Variants in CDH13 observed in about 807,000 individuals in gnomAD.
The protein encoded by CDH13 is cadherin-13.
Under a neutral mutation model 63.8 loss-of-function variants are expected in CDH13, and 24 were observed. The ratio of observed to expected loss-of-function variants is 0.38; its 90% CI spans 0.27 to 0.53. The LOEUF is 0.53. Ranked by LOEUF, CDH13 falls within the 20% of genes least tolerant of loss-of-function variation. The probability of loss-of-function intolerance (pLI) is 0.85; values close to 1 mark genes in which losing one functional copy is unlikely to be tolerated. For missense variants in CDH13, 1,049 were observed against 903.1 expected, an observed-to-expected ratio of 1.16 and a Z score of -2.07; for synonymous variants, 503 against 355.3, an observed-to-expected ratio of 1.42 and a Z score of -4.67.
chr16:82,908,365 G>A (rs926647167), intron 2 of CDH13, among the ~76,000 whole-genome samples: 15 of 152,234 alleles, frequency 9.9e-5, no homozygotes, highest in African/African-American at 3.6e-4. Context: ...ATATTGACAA[G>A]GTTGATGAAC....
intron 2 of CDH13, among the ~76,000 whole-genome samples, chr16:82,995,102 T>G (rs1352759156): frequency 6.6e-6 from 1 of 152,204 alleles, no homozygotes; most frequent in Non-Finnish European, 1.5e-5. Flanking sequence ...TCCCGTCATT[T>G]TAATCATCAC....
At chr16:83,498,944 T>G (rs2074209588) in intron 7 of CDH13, among the ~76,000 whole-genome samples, 1 of 152,210 alleles carries the variant, frequency 6.6e-6, no homozygotes, top group Admixed American at 6.5e-5. Context: ...TCTCCTGCCC[T>G]TGGGGGGAAA....
chr16:82,662,580 C>G (rs1235792952), intron 1 of CDH13, among the ~76,000 whole-genome samples: 4 of 152,218 alleles, frequency 2.6e-5, no homozygotes, highest in African/African-American at 9.6e-5. Context: ...ATCCCCACCA[C>G]TATCAGGTCT....
chr16:83,169,088 CT>C (rs2151725465), intron 4 of CDH13, among the ~76,000 whole-genome samples: 1 of 152,108 alleles, frequency 6.6e-6, no homozygotes, highest in Non-Finnish European at 1.5e-5. Flanking sequence ...AATTATCAAA[CT>C]TTTTTGCAAA....
chr16:82,776,516 C>T lies in CDH13; in HGVS notation c.46-81846C>T, dbSNP rs186280038. 1.2e-4 allele frequency among the ~76,000 whole-genome samples: 18 copies of T among 152,232 alleles called. 1 individual carries two copies. The highest frequency in any genetic ancestry group is 3.9e-4 in the East Asian group (2 of 5,172). ...ACACAAAGGGAGCAGCTGGACATAC[C>T]GGCAAGTATTATAATGTGCAGACAA... On this transcript the variant is annotated intron_variant, in intron 1 of 13. Coordinates refer to ENST00000567109, the MANE Select transcript of CDH13 (RefSeq NM_001257.5).
intron 2 of CDH13, among the ~76,000 whole-genome samples, chr16:82,973,876 C>T (rs1014321581): frequency 6.6e-6 from 1 of 152,116 alleles, no homozygotes; most frequent in African/African-American, 2.4e-5. Flanking sequence ...GATCCTGTGT[C>T]ACATACTCAC....
At chr16:83,734,753 T>TAATAATAATAAA (rs1353364606) in intron 10 of CDH13, among the ~76,000 whole-genome samples, 12 of 149,192 alleles carry the variant, frequency 8.0e-5, no homozygotes, top group East Asian at 1.9e-4. Flanking sequence ...ATAATAATAA[T>TAATAATAATAAA]AAAAACAGGG....
At chr16:83,552,972 G>A (rs1452315466) in intron 7 of CDH13, among the ~76,000 whole-genome samples, 6 of 151,966 alleles carry the variant, frequency 3.9e-5, no homozygotes, top group East Asian at 1.9e-4. Flanking sequence ...CCAGTTATTC[G>A]GGAGGCTGAG....
At chr16:82,831,445 T>G (rs2038536617) in intron 1 of CDH13, among the ~76,000 whole-genome samples, 1 of 152,170 alleles carries the variant, frequency 6.6e-6, no homozygotes, top group East Asian at 1.9e-4. Context: ...GGAAATGGCA[T>G]AACTATTGCT....
intron 6 of CDH13, among the ~76,000 whole-genome samples, chr16:83,483,285 G>A (rs897155549): frequency 2.6e-5 from 4 of 152,040 alleles, no homozygotes; most frequent in East Asian, 3.9e-4. Flanking sequence ...AGACAAACAC[G>A]GGGCTTAAGA....
At chr16:83,429,486 T>C (rs2151481079) in intron 6 of CDH13, among the ~76,000 whole-genome samples, 1 of 151,384 alleles carries the variant, frequency 6.6e-6, no homozygotes, top group East Asian at 1.9e-4. Flanking sequence ...GCATGACCAT[T>C]ACATATACAC....
chr16:83,360,012 T>C (rs2091132320), intron 6 of CDH13, among the ~76,000 whole-genome samples: 1 of 152,222 alleles, frequency 6.6e-6, no homozygotes, highest in South Asian at 2.1e-4. Flanking sequence ...GGGCATTTCA[T>C]AGAGAGAGAG....
chr16:83,789,678 C>T (rs959882228), intron 13 of CDH13, among the ~76,000 whole-genome samples: 3 of 152,070 alleles, frequency 2.0e-5, no homozygotes, highest in Non-Finnish European at 4.4e-5. Context: ...ACATAACTTC[C>T]TAACTCAGCC....
intron 1 of CDH13, among the ~76,000 whole-genome samples, chr16:82,856,853 C>G (rs1685716097): frequency 2.6e-5 from 4 of 152,048 alleles, no homozygotes; most frequent in Non-Finnish European, 1.5e-5. Flanking sequence ...CACTCAATCC[C>G]AGGTGGAAAC....
chr16:83,194,584 G>T (rs1024990484), intron 4 of CDH13, among the ~76,000 whole-genome samples: 1 of 152,176 alleles, frequency 6.6e-6, no homozygotes, highest in Non-Finnish European at 1.5e-5. Flanking sequence ...GAAACAATAA[G>T]GGATAAATTA....
intron 11 of CDH13, among the ~76,000 whole-genome samples, chr16:83,757,712 A>G (rs1320729243): frequency 6.6e-6 from 1 of 152,224 alleles, no homozygotes; most frequent in African/African-American, 2.4e-5. Context: ...ACTGGGAATA[A>G]AAAAGGGAAA....
intron 6 of CDH13, among the ~76,000 whole-genome samples, chr16:83,414,918 T>C (rs2092178474): frequency 6.6e-6 from 1 of 152,184 alleles, no homozygotes; most frequent in Admixed American, 6.5e-5. Flanking sequence ...TTGAAGATCC[T>C]GATTTCAATA....
chr16:83,293,424 C>T (rs866959257), intron 5 of CDH13, among the ~76,000 whole-genome samples: 1 of 152,094 alleles, frequency 6.6e-6, no homozygotes, highest in Non-Finnish European at 1.5e-5. Flanking sequence ...GAAAATGGCA[C>T]TCAAATTCCC....
rs1376135132 is a variant in CDH13, at chr16:83,073,348, T to A, written c.366+41130T>A. On this transcript the variant is annotated intron_variant, in intron 3 of 13. Coordinates refer to ENST00000567109, the MANE Select transcript of CDH13 (RefSeq NM_001257.5). ...GTGTGTGTGTGTGTGTGTGTGTGTG[T>A]GTGTGTGAGAGAGAGAGAGAGAGAG... Among the ~76,000 whole-genome samples, 192 of 125,866 alleles carry A rather than the reference T, an allele frequency of 1.5e-3. 1 individual carries two copies. Among genetic ancestry groups the A allele is most frequent in the South Asian group, 9.4e-3 (38 of 4,030 alleles). The allele number at this position is 125,866 out of a possible 152,430, so 82.6% of individuals were successfully genotyped here.
Sources: allele counts gnomAD v4.1 joint callset (sites outside exome capture counted in the v4.1 genomes callset), GRCh38; gene constraint gnomAD v4.1.1; transcripts MANE v1.5; gene names NCBI Gene and HGNC (gene_info 2026-07-23, HGNC 2026-07-21).